PRKX: variants seen among roughly 807,000 people sequenced by gnomAD.
PRKX encodes the protein protein kinase cAMP-dependent X-linked catalytic subunit.
In PRKX, 12 loss-of-function variants were observed where a neutral mutation model predicts 22.0. The observed-to-expected ratio is 0.54, with a 90% CI of 0.35 to 0.88. PRKX has a LOEUF of 0.88. PRKX is among the 40% of genes least tolerant of loss of function. PRKX has a pLI of 0.01. For synonymous variants in PRKX, 134 were observed against 137.7 expected, an observed-to-expected ratio of 0.97 and a Z score of 0.19; for missense variants, 217 against 308.0, an observed-to-expected ratio of 0.70 and a Z score of 2.21.
chrX:3,707,395 C>A (rs373764474), intron 1 of PRKX, among the ~76,000 whole-genome samples: 1 of 111,362 alleles, frequency 9.0e-6, no homozygotes, highest in East Asian at 2.8e-4. Context: ...GGGTTGATTT[C>A]TCTATTCATG....
intron 4 of PRKX, among the ~76,000 whole-genome samples, chrX:3,634,033 C>T (rs1221726667): frequency 4.5e-5 from 5 of 110,200 alleles, no homozygotes; most frequent in African/African-American, 1.3e-4. Flanking sequence ...GTTAATCACT[C>T]GAGGTCAGGA....
At chrX:3,648,606 CTGTGTGTGTGTGTGTGTGTGTGTG>C (rs58698248) in intron 3 of PRKX, among the ~76,000 whole-genome samples, 25 of 72,247 alleles carry the variant, frequency 3.5e-4, no homozygotes, top group East Asian at 4.4e-4. Context: ...CTCTCTACTC[CTGTGTGTGTGTGTGTGTGTGTGTG>C]TGTGTGTGTG....
At chrX:3,634,142 C>T (rs143859573) in intron 4 of PRKX, among the ~76,000 whole-genome samples, 10,030 of 109,788 alleles carry the variant, frequency 0.091, 450 homozygotes, top group Non-Finnish European at 0.14. Flanking sequence ...CCCAGCTACT[C>T]GGCAGGCTGA....
chrX:3,675,159 C>A (rs757635123), intron 1 of PRKX, among the ~76,000 whole-genome samples: 18 of 111,685 alleles, frequency 1.6e-4, no homozygotes, highest in South Asian at 3.7e-4. Context: ...ATATAACATG[C>A]CTTTTTCTCT....
At chrX:3,669,308 A>G (rs1327812646) in intron 2 of PRKX, among the ~76,000 whole-genome samples, 2 of 88,051 alleles carry the variant, frequency 2.3e-5, no homozygotes, top group African/African-American at 8.2e-5. Flanking sequence ...ATCTGTCTCA[A>G]TGTTGATCTC....
chrX:3,661,133 A>G (rs1293609977), intron 2 of PRKX, among the ~76,000 whole-genome samples: 1 of 111,879 alleles, frequency 8.9e-6, no homozygotes, highest in Non-Finnish European at 1.9e-5. Flanking sequence ...ATCACCCTTC[A>G]GCATCTTTAA....
chrX:3,625,409 G>A (rs1349401660), intron 5 of PRKX, among the ~76,000 whole-genome samples: 1 of 111,985 alleles, frequency 8.9e-6, no homozygotes, highest in African/African-American at 3.2e-5. Context: ...GAAAAGAAAA[G>A]TTTAATTCTC....
intron 1 of PRKX, among the ~76,000 whole-genome samples, chrX:3,703,039 A>T (rs1310692855): frequency 9.0e-6 from 1 of 111,219 alleles, no homozygotes; most frequent in East Asian, 2.8e-4. Context: ...TAACCTTGAC[A>T]GTTCTGGATT....
chrX:3,672,973 GGAGT>G (rs923517484), intron 2 of PRKX, among the ~76,000 whole-genome samples: 8 of 111,401 alleles, frequency 7.2e-5, no homozygotes, highest in Non-Finnish European at 1.9e-5. Flanking sequence ...TGGGCAAGAA[GGAGT>G]GAGACCCTGT....
intron 3 of PRKX, among the ~76,000 whole-genome samples, chrX:3,650,539 A>AG (rs1260123573): frequency 2.4e-3 from 245 of 101,078 alleles, no homozygotes; most frequent in African/African-American, 4.4e-3. Context: ...AAAAAAAAAA[A>AG]AGAGAGAAAA....
chrX:3,628,641 G>C (rs1489557858), intron 4 of PRKX, among the ~76,000 whole-genome samples: 1 of 111,523 alleles, frequency 9.0e-6, no homozygotes, highest in Non-Finnish European at 1.9e-5. Context: ...GAGGCTGAGG[G>C]GGGAGGATCG....
rs57960952 is a variant in PRKX, at chrX:3,608,578, TACACACACACACACACACACACAC to T, written c.*367_*390del. On this transcript the variant is annotated 3_prime_UTR_variant, in exon 9 of 9. Transcript: ENST00000262848. ...TGACTTCTATATATACACACAGGCATACACACACACACACACACACACACACACACACACACACACACACAATTT... is the reference window on the plus strand; with the variant it reads ...TGACTTCTATATATACACACAGGCATACACACACACACACACACACAATTT... 9 of 94,539 alleles carry T rather than the reference TACACACACACACACACACACACAC, an allele frequency of 9.5e-5. No homozygotes were observed. Among genetic ancestry groups the T allele is most frequent in the East Asian group, 3.6e-4 (1 of 2,809 alleles). 7.8% of individuals were successfully genotyped at this position (94,539 alleles called of 1,213,427 possible).
At chrX:3,639,463 G>A (rs1318224604) in intron 4 of PRKX, among the ~76,000 whole-genome samples, 128 of 41,852 alleles carry the variant, frequency 3.1e-3, no homozygotes, top group East Asian at 0.01. Flanking sequence ...GTGGGGGGGT[G>A]GATGGATGAA....
intron 1 of PRKX, among the ~76,000 whole-genome samples, chrX:3,677,909 GA>G (rs1927997518): frequency 8.9e-6 from 1 of 112,093 alleles, no homozygotes; most frequent in African/African-American, 3.2e-5. Flanking sequence ...AACAAATAAT[GA>G]AATAGTAACA....
intron 5 of PRKX, among the ~76,000 whole-genome samples, chrX:3,625,118 G>A (rs950459204): frequency 1.8e-5 from 2 of 111,331 alleles, no homozygotes; most frequent in East Asian, 2.8e-4. Context: ...CCTTCTAGGC[G>A]ACTCATTGTT....
chrX:3,632,053 T>G (rs1196482563), intron 4 of PRKX, among the ~76,000 whole-genome samples: 4 of 111,224 alleles, frequency 3.6e-5, no homozygotes, highest in African/African-American at 1.3e-4. Flanking sequence ...TGGAAATCAA[T>G]GGGAGAGGTG....
At chrX:3,664,735 C>G (rs1037533762) in intron 2 of PRKX, among the ~76,000 whole-genome samples, 2 of 112,267 alleles carry the variant, frequency 1.8e-5, no homozygotes, top group African/African-American at 6.5e-5. Context: ...ACCGCATAGT[C>G]TCACTCAAAA....
chrX:3,671,901 T>C (rs1173361865), intron 2 of PRKX, among the ~76,000 whole-genome samples: 1 of 111,578 alleles, frequency 9.0e-6, no homozygotes, highest in South Asian at 3.8e-4. Flanking sequence ...GGCAAGTGGA[T>C]TGCTTGCAGC....
At chrX:3,694,634 T>A (rs181243259) in intron 1 of PRKX, among the ~76,000 whole-genome samples, 1 of 110,723 alleles carries the variant, frequency 9.0e-6, no homozygotes, top group Non-Finnish European at 1.9e-5. Context: ...CAAAGATATA[T>A]TCACATCCTC....
Sources: allele counts gnomAD v4.1 joint callset (sites outside exome capture counted in the v4.1 genomes callset), GRCh38; gene constraint gnomAD v4.1.1; transcripts MANE v1.5; gene names NCBI Gene and HGNC (gene_info 2026-07-23, HGNC 2026-07-21).